EP300: variants seen among roughly 807,000 people sequenced by gnomAD.
The protein encoded by EP300 is EP300 lysine acetyltransferase.
A neutral mutation model predicts 264.0 loss-of-function variants in EP300; 31 were observed. That is an observed-to-expected ratio of 0.12 (90% CI 0.09 to 0.16). The LOEUF (loss-of-function observed/expected upper bound fraction) is 0.16, where lower values mean the gene tolerates loss of function less well. Among genes scored for constraint, EP300 ranks in the 10% least tolerant of loss-of-function variants. The pLI is 1.00. For missense variants in EP300, 2,766 were observed against 3,052.9 expected (o/e 0.91, Z 2.21); for synonymous variants, 1,340 against 1,045.4 (o/e 1.28, Z -5.44).
At chr22:41,153,472 A>G (rs1443760408) in intron 16 of EP300, among the ~76,000 whole-genome samples, 2 of 152,030 alleles carry the variant, frequency 1.3e-5, no homozygotes, top group Non-Finnish European at 2.9e-5. Context: ...CTCTCTTTAA[A>G]ATGTGTGTTC....
intron 7 of EP300, among the ~76,000 whole-genome samples, chr22:41,136,239 T>A (rs2058949728): frequency 6.6e-6 from 1 of 152,230 alleles, no homozygotes; most frequent in African/African-American, 2.4e-5. Context: ...TTGGCCAGGC[T>A]GTTCTTGAAC....
chr22:41,096,666 T>C (rs1227387012), intron 1 of EP300, among the ~76,000 whole-genome samples: 1 of 148,228 alleles, frequency 6.7e-6, no homozygotes, highest in Non-Finnish European at 1.5e-5. Context: ...TTGCCCAGGC[T>C]GGAGTGCAGT....
intron 1 of EP300, among the ~76,000 whole-genome samples, chr22:41,102,803 A>G (rs1169570590): frequency 6.6e-6 from 1 of 152,196 alleles, no homozygotes; most frequent in Non-Finnish European, 1.5e-5. Context: ...GGACAAATCA[A>G]GGATAATTCC....
At chr22:41,119,925 C>T (rs993995891) in intron 2 of EP300, among the ~76,000 whole-genome samples, 4 of 152,138 alleles carry the variant, frequency 2.6e-5, no homozygotes, top group African/African-American at 7.2e-5. Context: ...GGCAGTTCTC[C>T]TGCCTCAGGC....
chr22:41,136,821 A>G (rs2058953602), intron 7 of EP300, among the ~76,000 whole-genome samples: 1 of 152,112 alleles, frequency 6.6e-6, no homozygotes. Flanking sequence ...GCACTTTGGG[A>G]GGCCGAGGCA....
At chr22:41,093,541 C>T (rs1388513433) in intron 1 of EP300, among the ~76,000 whole-genome samples, 3 of 152,124 alleles carry the variant, frequency 2.0e-5, no homozygotes, top group Non-Finnish European at 4.4e-5. Flanking sequence ...CTCTCCTTTG[C>T]AGAATATTTT....
At chr22:41,171,112 C>T (rs921465432) in intron 27 of EP300, among the ~76,000 whole-genome samples, 1 of 151,684 alleles carries the variant, frequency 6.6e-6, no homozygotes, top group African/African-American at 2.4e-5. Context: ...ATCAAGAAAT[C>T]CCTGTTTTAA....
chr22:41,093,916 G>A (rs5758223), intron 1 of EP300, among the ~76,000 whole-genome samples: 111,007 of 152,124 alleles, frequency 0.73, 40,959 homozygotes, highest in East Asian at 1. Flanking sequence ...AACTACAAAC[G>A]TGAACTGATT....
chr22:41,128,685 G>A (rs2058897731), intron 4 of EP300, among the ~76,000 whole-genome samples: 1 of 151,450 alleles, frequency 6.6e-6, no homozygotes, highest in Non-Finnish European at 1.5e-5. Flanking sequence ...CTAATTTTTT[G>A]TATTTTTAGT....
At chr22:41,163,395 A>G (rs978132023) in intron 21 of EP300, among the ~76,000 whole-genome samples, 1 of 138,648 alleles carries the variant, frequency 7.2e-6, no homozygotes, top group African/African-American at 2.8e-5. Flanking sequence ...AGATCCCGCC[A>G]CTGCACTCCA....
Position 41,141,199 on chromosome 22 carries a change from A to T in EP300, c.2030A>T (p.Gln677Leu), listed in dbSNP as rs764718613. The T allele has an allele frequency of 2.5e-6, 4 of 1,614,226 alleles. No homozygotes were observed. The highest frequency in any genetic ancestry group is 1.1e-5 in the South Asian group (1 of 91,076). The stretch of plus-strand genomic sequence containing the variant: ...ATGAATCCAGGGCCTAACATGGGAC[A>T]GCCGCAACCAGGAATGACTTCTAGT... ...VSMNPGPNMG[Q>L]PQPGMTSNGP... is the part of the protein sequence containing the mutation. The change falls in exon 10 of 31, where the codon CAG becomes CTG. Residue 677 changes from glutamine (Q) to leucine (L), a missense_variant. By Grantham distance (113) the Gln-to-Leu change is moderately radical. Transcript: ENST00000263253.
intron 3 of EP300, 40 bp from the exon 4 acceptor site, chr22:41,127,447 T>C: frequency 6.2e-7 from 1 of 1,611,806 alleles, no homozygotes; most frequent in Non-Finnish European, 8.5e-7. Flanking sequence ...AAATAGCACA[T>C]TATGACTCCT....
chr22:41,117,929 A>T, intron 2 of EP300, 108 bp downstream of exon 2: 2 of 1,544,560 alleles, frequency 1.3e-6, no homozygotes, highest in Non-Finnish European at 1.8e-6. Flanking sequence ...ATTACACGCC[A>T]GGAATTTACT....
chr22:41,160,442 A>C (rs1334771640), intron 19 of EP300, 200 bp from the exon 20 acceptor site: 1 of 543,282 alleles, frequency 1.8e-6, no homozygotes, highest in Non-Finnish European at 3.3e-6. Context: ...AAAAAAAAAC[A>C]AAAAAACAAA....
chr22:41,147,984 C>A (rs2059022193), intron 12 of EP300, 38 bp downstream of exon 12: 1 of 1,425,336 alleles, frequency 7.0e-7, no homozygotes, highest in Non-Finnish European at 9.7e-7. Context: ...TTGGCCTTTA[C>A]CTGGTATTTT....
chr22:41,129,469 G>A (rs564669522), intron 4 of EP300, among the ~76,000 whole-genome samples: 211 of 152,250 alleles, frequency 1.4e-3, no homozygotes, highest in African/African-American at 4.9e-3. Flanking sequence ...CTGTCATGTA[G>A]GCAAGTGTTC....
At position 41,151,458 on chromosome 22, in the gene EP300, CTT is replaced by C. The variant is rs2059045034; in HGVS notation, c.2818-373_2818-372del. On this transcript the variant is annotated intron_variant, in intron 14 of 30. Transcript: ENST00000263253. ...TGTCTCCTTTTCTGTACCTTTGAAA[CTT>C]TCTCTGGTGAGAAGGTAAAAACAAG... Among the ~76,000 whole-genome samples, 6 of 152,316 alleles carry C rather than the reference CTT, an allele frequency of 3.9e-5. No individual in the cohort carries two copies. The South Asian group carries it at 1.2e-3, about 32-fold the overall frequency.
intron 1 of EP300, among the ~76,000 whole-genome samples, chr22:41,104,542 G>T (rs986521247): frequency 2.6e-5 from 4 of 151,814 alleles, no homozygotes; most frequent in African/African-American, 9.7e-5. Flanking sequence ...CGCCCGCCTC[G>T]GCCTCCCAAA....
At chr22:41,118,944 T>A (rs1328283481) in intron 2 of EP300, among the ~76,000 whole-genome samples, 3 of 151,616 alleles carry the variant, frequency 2.0e-5, no homozygotes. Context: ...ATTGACAAGT[T>A]AGGATTCTGT....
Sources: allele counts gnomAD v4.1 joint callset (sites outside exome capture counted in the v4.1 genomes callset), GRCh38; gene constraint gnomAD v4.1.1; transcripts MANE v1.5; gene names NCBI Gene and HGNC (gene_info 2026-07-23, HGNC 2026-07-21).